Variants in SETD5 observed in about 807,000 individuals in gnomAD.
SETD5 encodes the protein histone-lysine N-methyltransferase SETD5.
A neutral mutation model predicts 153.3 loss-of-function variants in SETD5; 44 were observed. The ratio of observed to expected loss-of-function variants is 0.29; its 90% CI spans 0.23 to 0.37. The LOEUF (loss-of-function observed/expected upper bound fraction) is 0.37, where lower values mean the gene tolerates loss of function less well. Among genes scored for constraint, SETD5 ranks in the 10% least tolerant of loss-of-function variants. The probability of loss-of-function intolerance (pLI) is 1.00; values close to 1 mark genes in which losing one functional copy is unlikely to be tolerated. For missense variants in SETD5, 1,544 were observed against 1,768.0 expected, an observed-to-expected ratio of 0.87 and a Z score of 2.27; for synonymous variants, 716 against 645.2, an observed-to-expected ratio of 1.11 and a Z score of -1.66.
chr3:9,452,001 T>C (rs184174587), intron 16 of SETD5, among the ~76,000 whole-genome samples: 1 of 152,306 alleles, frequency 6.6e-6, no homozygotes, highest in East Asian at 1.9e-4. Flanking sequence ...TACAAACAAA[T>C]GTCCATGTTC....
At position 9,407,831 on chromosome 3, in the gene SETD5, T is replaced by C. The variant is rs1427680579; in HGVS notation, c.-177+9854T>C. 2.0e-5 allele frequency among the ~76,000 whole-genome samples: 3 copies of C among 152,182 alleles called. No individual in the cohort carries two copies. In the East Asian group the frequency reaches 5.8e-4, roughly 29 times the overall value. ...GCCTGACCAACATGGAGAAACCCCA[T>C]CTCTACTGAAAATAGAAAATTAGCT... On this transcript the variant is annotated intron_variant, in intron 1 of 22. Coordinates refer to ENST00000402198, the MANE Select transcript of SETD5 (RefSeq NM_001080517.3).
At chr3:9,446,592 A>T (rs944967305) in intron 13 of SETD5, among the ~76,000 whole-genome samples, 9 of 151,630 alleles carry the variant, frequency 5.9e-5, no homozygotes, top group African/African-American at 2.2e-4. Context: ...TCCCGGGTTC[A>T]AGCAATTCCC....
At chr3:9,401,960 C>T (rs2034849747) in intron 1 of SETD5, among the ~76,000 whole-genome samples, 1 of 152,294 alleles carries the variant, frequency 6.6e-6, no homozygotes, top group East Asian at 1.9e-4. Context: ...CAAAGGCACT[C>T]TTTAGAAAGT....
chr3:9,402,989 A>T (rs1319726802), intron 1 of SETD5, among the ~76,000 whole-genome samples: 3 of 152,174 alleles, frequency 2.0e-5, no homozygotes, highest in African/African-American at 7.2e-5. Context: ...TAGGCCTGTC[A>T]ATATGGCCAA....
rs559066423 is a variant in SETD5, at chr3:9,448,645, TTG to T, written c.2346+25_2346+26del. The T allele has an allele frequency of 3.9e-6, 6 of 1,542,760 alleles. No individual in the cohort carries two copies. Among genetic ancestry groups the T allele is most frequent in the East Asian group, 2.3e-5 (1 of 43,462 alleles). ...CCTGTAAGAAGGTATGTCTGTGTTT[TTG>T]TGTGTGTGTTGTGTTTATGTGTGTG... On this transcript the variant is annotated intron_variant, in intron 16 of 22. Coordinates refer to ENST00000402198, the MANE Select transcript of SETD5 (RefSeq NM_001080517.3).
chr3:9,406,607 C>CAAAAAAA lies in SETD5; in HGVS notation c.-177+8638_-177+8644dup, dbSNP rs746999028. On this transcript the variant is annotated intron_variant, in intron 1 of 22. Coordinates refer to ENST00000402198, the MANE Select transcript of SETD5 (RefSeq NM_001080517.3). ...TGGGCGACAGAGCGAGACTCTGTCT[C>CAAAAAAA]AAAAAAAAAAAAAAGAATAGATCTG... is the stretch of plus-strand genomic sequence containing the variant. Among the ~76,000 whole-genome samples the CAAAAAAA allele has an allele frequency of 3.3e-3, 326 of 99,172 alleles. 4 individuals carry two copies. The highest frequency in any genetic ancestry group is 0.018 in the Middle Eastern group (3 of 170). The allele number at this position is 99,172 out of a possible 152,430, so 65.1% of individuals were successfully genotyped here.
intron 18 of SETD5, among the ~76,000 whole-genome samples, chr3:9,470,241 A>T (rs1171579489): frequency 6.6e-6 from 1 of 152,200 alleles, no homozygotes; most frequent in Non-Finnish European, 1.5e-5. Context: ...ATCCAGAAAG[A>T]CTTGAAAGCA....
At position 9,448,618 on chromosome 3, in the gene SETD5, C is replaced by A; in HGVS notation, c.2334C>A (p.Ser778Arg). The change falls in exon 16 of 23, where the codon AGC becomes AGA. Residue 778 changes from serine to arginine, a missense_variant. Physicochemically the swap from Ser to Arg is moderately radical, Grantham distance 110 (BLOSUM62 -1). Around this residue, in one of 9 missense-constraint regions of SETD5, gnomAD observed 782 missense variants for 787.2 expected, o/e 0.99. Transcript: ENST00000402198. ...RRPLLPDGTF[S>R]SCKKRWIKQA... ...CCCTTCTGCCTGATGGCACATTCAG[C>A]TCCTGTAAGAAGGTATGTCTGTGTT... The A allele has an allele frequency of 6.3e-7, 1 of 1,590,662 alleles. No individual in the cohort carries two copies.
In SETD5 at chr3:9,440,490, A is replaced by C. The variant is rs1434401669; in HGVS notation, c.602A>C (p.Asn201Thr). The C allele has an allele frequency of 6.2e-7, 1 of 1,600,478 alleles. No homozygotes were observed. Among genetic ancestry groups the C allele is most frequent in the South Asian group, 1.1e-5 (1 of 90,784 alleles). Residue 201 changes from asparagine (N) to threonine (T), a missense_variant, in exon 8 of 23, where the codon AAT (asparagine) becomes ACT (threonine). By Grantham distance (65) the Asn-to-Thr change is moderately conservative (BLOSUM62 0). Around this residue, in one of 9 missense-constraint regions of SETD5, gnomAD observed 251 missense variants for 326.9 expected, o/e 0.77. Coordinates refer to ENST00000402198, the MANE Select transcript of SETD5 (RefSeq NM_001080517.3). ...SPSEAQNLDE[N>T]TTEGWENRIR... is the part of the protein sequence containing the mutation. ...TCTGAAGCACAGAATTTAGATGAGA[A>C]TACAACTGAGGGCTGGGAAAATCGG...
intron 19 of SETD5, among the ~76,000 whole-genome samples, chr3:9,472,895 T>C (rs902553019): frequency 2.0e-5 from 3 of 152,188 alleles, no homozygotes; most frequent in Non-Finnish European, 4.4e-5. Context: ...TGCAAATAAC[T>C]GTGATAGCAT....
chr3:9,416,920 GAA>G (rs761146260), intron 1 of SETD5, among the ~76,000 whole-genome samples: 3 of 151,586 alleles, frequency 2.0e-5, no homozygotes, highest in Non-Finnish European at 1.5e-5. Flanking sequence ...ATATTTATTT[GAA>G]GTTTTTCACC....
intron 1 of SETD5, among the ~76,000 whole-genome samples, chr3:9,422,246 C>T (rs1325526697): frequency 6.6e-6 from 1 of 152,050 alleles, no homozygotes; most frequent in Non-Finnish European, 1.5e-5. Flanking sequence ...TATTGTTGCC[C>T]TGCAAAAAAG....
At position 9,475,911 on chromosome 3, in the gene SETD5, A is replaced by C; in HGVS notation, c.4149A>C (p.Pro1383=). The part of the protein sequence containing the change: ...SFPQNSRSSL[P]SDLRTISLPS... Reference sequence around the variant, plus strand: ...CTCAGAACTCTAGGTCGTCATTGCCATCAGACTTACGGACTATCAGTCTGC... The same window carrying C: ...CTCAGAACTCTAGGTCGTCATTGCCCTCAGACTTACGGACTATCAGTCTGC... Residue 1383 remains proline (P), a synonymous_variant, in exon 23 of 23, where the codon CCA becomes CCC. Transcript: ENST00000402198. 6.2e-7 allele frequency: 1 copy of C among 1,614,042 alleles called. No individual in the cohort carries two copies. Among genetic ancestry groups the C allele is most frequent in the Admixed American group, 1.7e-5 (1 of 60,032 alleles).
intron 2 of SETD5, among the ~76,000 whole-genome samples, chr3:9,425,397 C>T (rs2039031714): frequency 6.6e-6 from 1 of 152,002 alleles, no homozygotes; most frequent in Admixed American, 6.6e-5. Context: ...ATCAACTATC[C>T]AAAATAGCTG....
At chr3:9,442,581 G>T (rs2041432978) in intron 10 of SETD5, among the ~76,000 whole-genome samples, 1 of 152,208 alleles carries the variant, frequency 6.6e-6, no homozygotes, top group African/African-American at 2.4e-5. Flanking sequence ...CTATTTGGTT[G>T]CAGTTTTTTT....
At chr3:9,426,848 C>G (rs560821448) in intron 2 of SETD5, among the ~76,000 whole-genome samples, 1 of 152,226 alleles carries the variant, frequency 6.6e-6, no homozygotes, top group South Asian at 2.1e-4. Context: ...CAGTCATTTC[C>G]CAGCCCAGCT....
chr3:9,434,588 A>T lies in SETD5; in HGVS notation c.329+103A>T. 1 of 1,540,500 alleles carries T rather than the reference A, an allele frequency of 6.5e-7. No individual in the cohort carries two copies. Among genetic ancestry groups the T allele is most frequent in the Non-Finnish European group, 8.7e-7 (1 of 1,143,258 alleles). ...TATTCTTTCTTGTGTTTGTTAATGT[A>T]GATGATTCCTTAGTGCTCCTTGGCT... On this transcript the variant is annotated intron_variant, in intron 5 of 22. Transcript: ENST00000402198. This position sits in a 1 kb window ranked among gnomAD's most constrained non-coding sequence, Gnocchi z 5.6.
At chr3:9,461,364 T>C (rs147811165) in intron 17 of SETD5, among the ~76,000 whole-genome samples, 25 of 152,286 alleles carry the variant, frequency 1.6e-4, no homozygotes, top group African/African-American at 5.8e-4. Flanking sequence ...TGAGTGAAAA[T>C]AGTTACTGAG....
chr3:9,431,682 A>T (rs1188057249), intron 3 of SETD5: 4 of 985,680 alleles, frequency 4.1e-6, no homozygotes, highest in South Asian at 9.4e-5. Context: ...AACCTCCACA[A>T]TATACATTTT....
Sources: gnomAD v4.1 joint callset for allele counts (sites outside exome capture counted in the v4.1 genomes callset) on GRCh38, gnomAD v4.1.1 for gene constraint, gnomAD v4.1.1 regional missense constraint, Gnocchi (gnomAD v3.1) non-coding constraint, MANE v1.5 for transcripts, NCBI Gene and HGNC (gene_info 2026-07-23, HGNC 2026-07-21) for gene names.